The following GNG2 variants were observed in gnomAD, a reference collection of about 807,000 sequenced individuals.
GNG2 encodes the protein G protein subunit gamma 2, also known as guanine nucleotide-binding protein G(I)/G(S)/G(O) subunit gamma-2.
Under a neutral mutation model 5.5 loss-of-function variants are expected in GNG2, and 5 were observed. The observed-to-expected ratio is 0.91, with a 90% CI of 0.48 to 1.92. The LOEUF (loss-of-function observed/expected upper bound fraction) is 1.92. Among genes scored for constraint, GNG2 ranks in the 30% most tolerant of loss-of-function variants. The pLI is 0.01. For missense variants in GNG2, 55 were observed against 88.4 expected (o/e 0.62, Z 1.52); for synonymous variants, 28 against 32.0 (o/e 0.88, Z 0.42).
intron 2 of GNG2, among the ~76,000 whole-genome samples, chr14:51,920,726 C>G (rs1594917510): frequency 6.6e-6 from 1 of 152,136 alleles, no homozygotes; most frequent in Non-Finnish European, 1.5e-5. Flanking sequence ...CCATTTCATT[C>G]TATGTAGGCA....
chr14:51,859,795 C>T (rs550215984), upstream of GNG2, among the ~76,000 whole-genome samples: 5 of 152,286 alleles, frequency 3.3e-5, no homozygotes, highest in African/African-American at 1.2e-4. Context: ...CATGAGGGTC[C>T]TTCAGCCCTA....
chr14:51,889,633 G>A (rs1391263902), intron 2 of GNG2, among the ~76,000 whole-genome samples: 1 of 151,648 alleles, frequency 6.6e-6, no homozygotes, highest in Non-Finnish European at 1.5e-5. Flanking sequence ...CCCTTTTTTT[G>A]TTTGCTAAAG....
chr14:51,884,585 A>T (rs1884316569), intron 2 of GNG2, among the ~76,000 whole-genome samples: 1 of 152,204 alleles, frequency 6.6e-6, no homozygotes, highest in South Asian at 2.1e-4. Context: ...AGAGAGAGGC[A>T]CAGTTACACC....
chr14:51,926,584 G>C (rs935593986), intron 2 of GNG2, among the ~76,000 whole-genome samples: 5 of 152,154 alleles, frequency 3.3e-5, no homozygotes, highest in Admixed American at 1.3e-4. Context: ...AGCATAAAGA[G>C]ACTCCCTACC....
chr14:51,858,399 G>A (rs1342228677), upstream of GNG2, among the ~76,000 whole-genome samples: 4 of 152,208 alleles, frequency 2.6e-5, no homozygotes, highest in African/African-American at 4.8e-5. Flanking sequence ...ATAAGGGCCA[G>A]AGATGGAAGA....
intron 2 of GNG2, among the ~76,000 whole-genome samples, chr14:51,941,999 G>A (rs1888343941): frequency 6.6e-6 from 1 of 152,120 alleles, no homozygotes; most frequent in Non-Finnish European, 1.5e-5. Flanking sequence ...AGGGATTTTT[G>A]CTATTTGTAT....
chr14:51,969,450 G>A lies in GNG2; in HGVS notation c.*2763G>A, dbSNP rs1275075931. The A allele has an allele frequency of 1.3e-5, 2 of 152,092 alleles. No homozygotes were observed. Among genetic ancestry groups the A allele is most frequent in the African/African-American group, 2.4e-5 (1 of 41,416 alleles). 9.4% of individuals were successfully genotyped at this position (152,092 alleles called of 1,614,324 possible). A position where few individuals can be genotyped will look rare whatever the true frequency, so the allele number is the denominator to read the frequency against. Reference sequence around the variant, plus strand: ...TATTTGAAGGAGATTGCCTACCAAGGACAAAACAATAAATTTAAAAATCAA... The same window carrying A: ...TATTTGAAGGAGATTGCCTACCAAGAACAAAACAATAAATTTAAAAATCAA... On this transcript the variant is annotated 3_prime_UTR_variant, in exon 4 of 4. Coordinates refer to ENST00000556766, the MANE Select transcript of GNG2 (RefSeq NM_053064.5).
At chr14:51,877,713 A>AG in intron 2 of GNG2, 56 bp downstream of exon 2, 1 of 442,830 alleles carries the variant, frequency 2.3e-6, no homozygotes, top group South Asian at 1.6e-5. Flanking sequence ...GAACTTAAAG[A>AG]GGAAAAAAAA....
At chr14:51,876,757 G>A (rs148339791) in intron 1 of GNG2, among the ~76,000 whole-genome samples, 258 of 152,236 alleles carry the variant, frequency 1.7e-3, no homozygotes, top group African/African-American at 5.9e-3. Flanking sequence ...CTCAAGTAAT[G>A]TGAGGCCTCT....
intron 2 of GNG2, among the ~76,000 whole-genome samples, chr14:51,894,296 T>C (rs1006442490): frequency 2.6e-4 from 39 of 152,176 alleles, no homozygotes; most frequent in African/African-American, 8.7e-4. Flanking sequence ...TCGTTTGGAG[T>C]TGGAAATTTG....
chr14:51,828,126 C>T (rs1881077455), intron 2 of GNG2, among the ~76,000 whole-genome samples: 1 of 152,224 alleles, frequency 6.6e-6, no homozygotes, highest in Non-Finnish European at 1.5e-5. Context: ...ATTGTGCAGA[C>T]AGTCCTGCCA....
At chr14:51,843,126 T>G (rs924478679) in intron 2 of GNG2, among the ~76,000 whole-genome samples, 1 of 152,224 alleles carries the variant, frequency 6.6e-6, no homozygotes, top group African/African-American at 2.4e-5. Flanking sequence ...CAGGTGTTTT[T>G]AATCAATGCT....
rs1299284325 is a variant in GNG2 at position 51,969,674 on chromosome 14, G to T, written c.*2987G>T. ...ACATTTTTCCTATATAAGATCTGTG[G>T]AGTGTGTGTTTCAAAGAGAGAACTA... is the stretch of plus-strand genomic sequence containing the variant. On this transcript the variant is annotated 3_prime_UTR_variant, in exon 4 of 4. Coordinates refer to ENST00000556766, the MANE Select transcript of GNG2 (RefSeq NM_053064.5). The T allele has an allele frequency of 6.6e-6, 1 of 152,194 alleles. No individual in the cohort carries two copies. The highest frequency in any genetic ancestry group is 2.4e-5 in the African/African-American group (1 of 41,440). The allele number at this position is 152,194 out of a possible 1,614,324, so 9.4% of individuals were successfully genotyped here. A position where few individuals can be genotyped will look rare whatever the true frequency, so the allele number is the denominator to read the frequency against.
chr14:51,882,207 C>T (rs1334653868), intron 2 of GNG2, among the ~76,000 whole-genome samples: 1 of 152,130 alleles, frequency 6.6e-6, no homozygotes, highest in African/African-American at 2.4e-5. Context: ...CTGCACAACA[C>T]CGTGAATGTA....
chr14:51,889,137 G>T (rs1203352995), intron 2 of GNG2, among the ~76,000 whole-genome samples: 1 of 146,308 alleles, frequency 6.8e-6, no homozygotes, highest in African/African-American at 2.5e-5. Context: ...TTTTGAGATG[G>T]AGTCTCGCTC....
At chr14:51,949,859 G>A (rs1001265593) in intron 2 of GNG2, among the ~76,000 whole-genome samples, 1 of 152,126 alleles carries the variant, frequency 6.6e-6, no homozygotes, top group African/African-American at 2.4e-5. Context: ...AAATGAATGT[G>A]GGATAGGATT....
intron 1 of GNG2, among the ~76,000 whole-genome samples, chr14:51,865,960 AAG>A (rs766263779): frequency 7.8e-6 from 1 of 127,562 alleles, no homozygotes; most frequent in African/African-American, 2.8e-5. Flanking sequence ...AAAAAAAAAA[AAG>A]GGAGCTCAAT....
chr14:51,872,778 C>T (rs191269180), intron 1 of GNG2, among the ~76,000 whole-genome samples: 39 of 152,288 alleles, frequency 2.6e-4, no homozygotes, highest in African/African-American at 9.1e-4. Flanking sequence ...GGAAGCAGTG[C>T]ACTGTTCTCC....
intron 2 of GNG2, among the ~76,000 whole-genome samples, chr14:51,830,665 A>G (rs957469526): frequency 8.5e-5 from 13 of 152,236 alleles, no homozygotes; most frequent in African/African-American, 3.1e-4. Context: ...TTCAATATGT[A>G]TTCAGCCGCT....
Sources: gnomAD v4.1 joint callset for allele counts (sites outside exome capture counted in the v4.1 genomes callset) on GRCh38, gnomAD v4.1.1 for gene constraint, MANE v1.5 for transcripts, NCBI Gene and HGNC (gene_info 2026-07-23, HGNC 2026-07-21) for gene names.